Variants in ZFAT observed in about 807,000 individuals in gnomAD.
The protein encoded by ZFAT is zinc finger protein ZFAT.
In ZFAT, 64 loss-of-function variants were observed where a neutral mutation model predicts 117.7. The ratio of observed to expected loss-of-function variants is 0.54; its 90% CI spans 0.44 to 0.67. The LOEUF (loss-of-function observed/expected upper bound fraction) is 0.67, where lower values mean the gene tolerates loss of function less well. Ranked by LOEUF, ZFAT falls within the 30% of genes least tolerant of loss-of-function variation. The pLI, the probability that ZFAT is intolerant of heterozygous loss-of-function variation, is 0.00. For synonymous variants in ZFAT, 679 were observed against 615.0 expected, an observed-to-expected ratio of 1.10 and a Z score of -1.54; for missense variants, 1,433 against 1,584.5, an observed-to-expected ratio of 0.90 and a Z score of 1.62.
chr8:134,717,495 T>TTTTTTTTTTTTTTTTA, upstream of ZFAT, among the ~76,000 whole-genome samples: 1 of 108,558 alleles, frequency 9.2e-6, no homozygotes, highest in Non-Finnish European at 1.8e-5. Context: ...TTTTTTTTTT[T>TTTTTTTTTTTTTTTTA]TTTTTTGAGA....
chr8:134,646,645 A>C (rs1704011515), intron 2 of ZFAT, among the ~76,000 whole-genome samples: 1 of 152,124 alleles, frequency 6.6e-6, no homozygotes, highest in Admixed American at 6.5e-5. Flanking sequence ...ACAGTTGAGA[A>C]ACCCTTAGCT....
chr8:134,546,455 G>A (rs1389909636), intron 11 of ZFAT, among the ~76,000 whole-genome samples: 1 of 152,166 alleles, frequency 6.6e-6, no homozygotes, highest in African/African-American at 2.4e-5. Flanking sequence ...GTCACCCTGA[G>A]AAGTGTGTAG....
At chr8:134,823,008 G>A in the ZFAT span, among the ~76,000 whole-genome samples, 3 of 152,282 alleles carry the variant, frequency 2.0e-5, no homozygotes, top group South Asian at 6.2e-4. Context: ...GAAAGTTTAG[G>A]ACTGACTTAA....
At chr8:134,640,024 G>A (rs1403045215) in intron 2 of ZFAT, 1 of 337,582 alleles carries the variant, frequency 3.0e-6, no homozygotes, top group Non-Finnish European at 5.8e-6. Context: ...CTATGTTGTA[G>A]TTGGGAGAGA....
At chr8:134,826,370 G>C in the ZFAT span, among the ~76,000 whole-genome samples, 8 of 152,122 alleles carry the variant, frequency 5.3e-5, no homozygotes, top group Admixed American at 3.9e-4. Context: ...TTTTCTTTTA[G>C]AGAAGCTTGT....
At chr8:134,523,087 C>T (rs573374392) in intron 12 of ZFAT, among the ~76,000 whole-genome samples, 1 of 152,312 alleles carries the variant, frequency 6.6e-6, no homozygotes, top group East Asian at 1.9e-4. Flanking sequence ...CTTTCTACAA[C>T]AAGCAGTTTA....
intron 1 of ZFAT, among the ~76,000 whole-genome samples, chr8:134,659,850 C>T (rs922504573): frequency 1.3e-4 from 20 of 152,196 alleles, no homozygotes; most frequent in African/African-American, 4.6e-4. Context: ...CAGGAGCAAG[C>T]CCCTCCCTGG....
chr8:134,707,996 GAAT>G (rs1672968095), intron 1 of ZFAT, among the ~76,000 whole-genome samples: 3 of 151,540 alleles, frequency 2.0e-5, no homozygotes, highest in Admixed American at 6.6e-5. Context: ...ATACACAACG[GAAT>G]ATTATTCAGC....
At chr8:134,670,388 T>C (rs547716586) in intron 1 of ZFAT, among the ~76,000 whole-genome samples, 6 of 152,344 alleles carry the variant, frequency 3.9e-5, no homozygotes, top group Admixed American at 2.0e-4. Flanking sequence ...AGAACAGAAA[T>C]TATAACAAAC....
At chr8:134,718,564 A>G in the ZFAT span, among the ~76,000 whole-genome samples, 1 of 152,182 alleles carries the variant, frequency 6.6e-6, no homozygotes, top group East Asian at 1.9e-4. Context: ...TCAACTATGA[A>G]TAAGAGTAAC....
At chr8:134,672,434 C>A (rs1199875988) in intron 1 of ZFAT, among the ~76,000 whole-genome samples, 1 of 152,048 alleles carries the variant, frequency 6.6e-6, no homozygotes, top group Non-Finnish European at 1.5e-5. Context: ...GGAAGGATAG[C>A]ATTAGGAGAT....
intron 11 of ZFAT, 99 bp from the exon 12 acceptor site, chr8:134,533,071 A>G (rs1158254603): frequency 6.8e-7 from 1 of 1,481,004 alleles, no homozygotes; most frequent in Non-Finnish European, 9.0e-7. Flanking sequence ...TGAAAGCCTG[A>G]GATGAGCAGG....
At chr8:134,791,363 T>C in the ZFAT span, among the ~76,000 whole-genome samples, 1 of 147,424 alleles carries the variant, frequency 6.8e-6, no homozygotes, top group Non-Finnish European at 1.5e-5. Context: ...CTTCCCTGTA[T>C]AGTCAGGCCA....
chr8:134,483,713 A>G lies in ZFAT; in HGVS notation c.3493-4992T>C, dbSNP rs150673629. Among the ~76,000 whole-genome samples the G allele has an allele frequency of 4.9e-3, 749 of 152,292 alleles. 6 individuals carry two copies. The highest frequency in any genetic ancestry group is 0.017 in the African/African-American group (705 of 41,546). On this transcript the variant is annotated intron_variant, in intron 15 of 15. Transcript: ENST00000377838. Reference sequence around the variant, plus strand: ...AACCCTTAACCCCTGGGACGCAGAAATCATTCACTGAATCAGGCACCGTGT... The same window carrying G: ...AACCCTTAACCCCTGGGACGCAGAAGTCATTCACTGAATCAGGCACCGTGT...
At chr8:134,597,914 C>T (rs1586782778) in intron 7 of ZFAT, 1 of 152,296 alleles carries the variant, frequency 6.6e-6, no homozygotes, top group African/African-American at 2.4e-5. Context: ...ATTCAGCACA[C>T]TGCTCTTCTC....
At chr8:134,767,976 C>T in the ZFAT span, among the ~76,000 whole-genome samples, 1,419 of 152,260 alleles carry the variant, frequency 9.3e-3, 5 homozygotes, top group Middle Eastern at 0.017. Context: ...AGATCTTCTC[C>T]ACTGTATTAT....
At chr8:134,564,109 C>T (rs1000906683) in intron 11 of ZFAT, among the ~76,000 whole-genome samples, 2 of 148,466 alleles carry the variant, frequency 1.3e-5, no homozygotes, top group Non-Finnish European at 3.0e-5. Flanking sequence ...GAGCCAAGAT[C>T]GTGCCACTGC....
chr8:134,678,529 T>C lies in ZFAT; in HGVS notation c.20-20792A>G, dbSNP rs144730102. Among the ~76,000 whole-genome samples the C allele has an allele frequency of 4.8e-3, 734 of 152,290 alleles. 7 individuals carry two copies. Among genetic ancestry groups the C allele is most frequent in the African/African-American group, 0.016 (685 of 41,544 alleles). Reference sequence around the variant, plus strand: ...TACTGCCCAAAGTAATTTATAGATTTAATGCTATCCCCATCAAACTACCAT... The same window carrying C: ...TACTGCCCAAAGTAATTTATAGATTCAATGCTATCCCCATCAAACTACCAT... On this transcript the variant is annotated intron_variant, in intron 1 of 15. Coordinates refer to ENST00000377838, the MANE Select transcript of ZFAT (RefSeq NM_020863.4).
intron 3 of ZFAT, among the ~76,000 whole-genome samples, chr8:134,631,953 T>C (rs1829919196): frequency 2.0e-5 from 3 of 152,208 alleles, no homozygotes; most frequent in African/African-American, 7.2e-5. Context: ...CTGCCAGATC[T>C]GTATTTTCTC....
Sources: allele counts gnomAD v4.1 joint callset (sites outside exome capture counted in the v4.1 genomes callset), GRCh38; gene constraint gnomAD v4.1.1; transcripts MANE v1.5; gene names NCBI Gene and HGNC (gene_info 2026-07-23, HGNC 2026-07-21).